SLF2: variants seen among roughly 807,000 people sequenced by gnomAD.
SLF2 encodes the protein SMC5-SMC6 complex localization factor protein 2.
A neutral mutation model predicts 124.3 loss-of-function variants in SLF2; 68 were observed. The observed-to-expected ratio is 0.55, with a 90% CI of 0.45 to 0.67. The LOEUF (loss-of-function observed/expected upper bound fraction) is 0.67, where lower values mean the gene tolerates loss of function less well. Among genes scored for constraint, SLF2 ranks in the 30% least tolerant of loss-of-function variants. The probability of loss-of-function intolerance (pLI) is 0.00; values close to 1 mark genes in which losing one functional copy is unlikely to be tolerated. For synonymous variants in SLF2, 480 were observed against 478.8 expected, an observed-to-expected ratio of 1.00 and a Z score of -0.03; for missense variants, 1,246 against 1,373.7, an observed-to-expected ratio of 0.91 and a Z score of 1.47.
chr10:100,913,306 G>T lies in SLF2; in HGVS notation c.140+56G>T, dbSNP rs3802725. ...GGTCGCGGGGGCAAGGGTATGAGGG[G>T]AGGGCTGCAGACCGCCGCTCTTCCA... is the stretch of plus-strand genomic sequence containing the variant. On this transcript the variant is annotated intron_variant, in intron 1 of 19. Transcript: ENST00000238961. 0.41 allele frequency: 584,307 copies of T among 1,427,798 alleles called. 125,132 individuals are homozygous for T. The highest frequency in any genetic ancestry group is 0.49 in the Middle Eastern group (2,428 of 4,994). 88.4% of individuals were successfully genotyped at this position (1,427,798 alleles called of 1,614,324 possible).
At position 100,950,640 on chromosome 10, in the gene SLF2, A is replaced by AT. The variant is rs759562089; in HGVS notation, c.3253-34dup. ...ATTGGAATGACATCTATGCTAGCTA[A>AT]TTCATAGGTGTTAATTTTATTCATT... is the stretch of plus-strand genomic sequence containing the variant. On this transcript the variant is annotated intron_variant, in intron 16 of 19. Coordinates refer to ENST00000238961, the MANE Select transcript of SLF2 (RefSeq NM_018121.4). 6 of 1,524,118 alleles carry AT rather than the reference A, an allele frequency of 3.9e-6. No homozygotes were observed. The African/African-American group carries it at 6.9e-5, about 17-fold the overall frequency. 94.4% of individuals were successfully genotyped at this position (1,524,118 alleles called of 1,614,324 possible). A position where few individuals can be genotyped will look rare whatever the true frequency, so the allele number is the denominator to read the frequency against.
At chr10:100,915,650 T>G (rs1849400246) in intron 1 of SLF2, among the ~76,000 whole-genome samples, 1 of 152,214 alleles carries the variant, frequency 6.6e-6, no homozygotes, top group African/African-American at 2.4e-5. Context: ...TAGGTTCATA[T>G]GCTGATACCC....
chr10:100,939,925 T>C (rs1287186670), intron 11 of SLF2, among the ~76,000 whole-genome samples: 1 of 152,248 alleles, frequency 6.6e-6, no homozygotes. Context: ...TCTGAAAATA[T>C]GTTGGATAGC....
chr10:100,948,098 C>T (rs1313302468), intron 15 of SLF2, among the ~76,000 whole-genome samples: 1 of 152,224 alleles, frequency 6.6e-6, no homozygotes, highest in Non-Finnish European at 1.5e-5. Context: ...TATAAAGAAA[C>T]TACTGGGAAA....
At chr10:100,919,767 T>TA in intron 4 of SLF2, among the ~76,000 whole-genome samples, 1 of 152,242 alleles carries the variant, frequency 6.6e-6, no homozygotes, top group Non-Finnish European at 1.5e-5. Context: ...ATTGAGTACT[T>TA]ACTGTGTGCT....
At chr10:100,918,492 G>T in intron 4 of SLF2, 51 bp downstream of exon 4, 1 of 1,193,544 alleles carries the variant, frequency 8.4e-7, no homozygotes, top group Admixed American at 2.2e-5. Context: ...CCATTTTAAT[G>T]GCACTGCTTT....
chr10:100,930,470 C>T (rs922869365), intron 8 of SLF2, among the ~76,000 whole-genome samples: 1 of 152,214 alleles, frequency 6.6e-6, no homozygotes, highest in Non-Finnish European at 1.5e-5. Context: ...TATGACCACA[C>T]TTGGCCACAA....
intron 16 of SLF2, 137 bp from the exon 17 acceptor site, chr10:100,950,539 C>T (rs751227692): frequency 1.1e-5 from 8 of 716,408 alleles, no homozygotes; most frequent in African/African-American, 5.4e-5. Flanking sequence ...TTAGATGCTT[C>T]GCTTTTACTT....
At position 100,924,384 on chromosome 10, in the gene SLF2, C is replaced by A. The variant is rs141433125; in HGVS notation, c.1383C>A (p.Thr461=). 56 of 1,614,028 alleles carry A rather than the reference C, an allele frequency of 3.5e-5. No individual in the cohort carries two copies. In the African/African-American group the frequency reaches 6.5e-4, roughly 19 times the overall value. The part of the protein sequence containing the change: ...KKASNLQKNK[T]ASSTTKEKET... ...CTAGCAACCTTCAGAAAAATAAAAC[C>A]GCTAGCTCCACGACAAAGGAGAAGG... Residue 461 remains threonine, a synonymous_variant, in exon 5 of 20, where the codon ACC becomes ACA. Coordinates refer to ENST00000238961, the MANE Select transcript of SLF2 (RefSeq NM_018121.4).
chr10:100,925,005 A>G, intron 5 of SLF2, 33 bp downstream of exon 5: 1 of 1,550,020 alleles, frequency 6.5e-7, no homozygotes, highest in Non-Finnish European at 8.7e-7. Context: ...TCTTTACTTG[A>G]AGAGGGAAAG....
At position 100,931,040 on chromosome 10, in the gene SLF2, G is replaced by T. The variant is rs117803487; in HGVS notation, c.2398G>T (p.Val800Phe). The T allele has an allele frequency of 2.0e-4, 324 of 1,614,018 alleles. No individual in the cohort carries two copies. Among genetic ancestry groups the T allele is most frequent in the Non-Finnish European group, 2.6e-4 (305 of 1,179,964 alleles). The part of the protein sequence containing the change: ...QGFLTSAYHY[V>F]QCPVPVLKWL... ...TTTCCTTACGTCTGCTTATCACTAT[G>T]TCCAGTGTCCTGTCCCTGTGTTAAA... Residue 800 changes from valine (V) to phenylalanine (F), a missense_variant, in exon 9 of 20, where the codon GTC (valine) becomes TTC (phenylalanine). Around this residue, in one of 3 missense-constraint regions of SLF2, gnomAD observed 535 missense variants for 632.8 expected, o/e 0.85. Coordinates refer to ENST00000238961, the MANE Select transcript of SLF2 (RefSeq NM_018121.4).
At chr10:100,961,547 C>G (rs536463822) in intron 19 of SLF2, among the ~76,000 whole-genome samples, 3 of 152,004 alleles carry the variant, frequency 2.0e-5, no homozygotes, top group Admixed American at 6.5e-5. Flanking sequence ...TAATGCTGGT[C>G]ATGTACTGAT....
intron 7 of SLF2, 150 bp from the exon 8 acceptor site, chr10:100,929,680 G>A (rs2133779936): frequency 1.5e-6 from 1 of 662,204 alleles, no homozygotes; most frequent in East Asian, 3.0e-5. Context: ...TACAAAAAGT[G>A]GAAGAAGCAA....
chr10:100,924,629 G>T lies in SLF2; in HGVS notation c.1628G>T (p.Gly543Val), dbSNP rs748080957. The change falls in exon 5 of 20, where the codon GGA (glycine) becomes GTA (valine). Residue 543 changes from glycine to valine, a missense_variant. Gly to Val is a moderately radical substitution (Grantham distance 109, BLOSUM62 -3). This residue lies in a region of SLF2 where 698 missense variants were observed against 708.9 expected (regional missense o/e 0.98). Coordinates refer to ENST00000238961, the MANE Select transcript of SLF2 (RefSeq NM_018121.4). ...SNVSSGKISG[G>V]PLRSEYGTPT... ...GTATCTTCAGGGAAAATTTCTGGGGGACCTTTGCGCTCAGAATATGGCACT... is the reference window on the plus strand; with the variant it reads ...GTATCTTCAGGGAAAATTTCTGGGGTACCTTTGCGCTCAGAATATGGCACT... The T allele has an allele frequency of 1.2e-6, 2 of 1,613,960 alleles. No individual in the cohort carries two copies. Among genetic ancestry groups the T allele is most frequent in the South Asian group, 2.2e-5 (2 of 91,082 alleles).
intron 13 of SLF2, among the ~76,000 whole-genome samples, chr10:100,946,355 C>T (rs1408314407): frequency 3.5e-5 from 5 of 143,336 alleles, no homozygotes; most frequent in African/African-American, 1.3e-4. Flanking sequence ...TGTAAGACAG[C>T]ATCTCCTGTC....
intron 18 of SLF2, 80 bp from the exon 19 acceptor site, chr10:100,959,348 G>A: frequency 3.8e-6 from 5 of 1,327,094 alleles, no homozygotes; most frequent in Non-Finnish European, 5.0e-6. Flanking sequence ...GCAGCTGTCA[G>A]ATATTTTGTG....
At chr10:100,961,570 CAG>C (rs1850428488) in intron 19 of SLF2, among the ~76,000 whole-genome samples, 1 of 152,250 alleles carries the variant, frequency 6.6e-6, no homozygotes, top group African/African-American at 2.4e-5. Context: ...GGTATTAAAA[CAG>C]AAAATAATTT....
intron 11 of SLF2, among the ~76,000 whole-genome samples, chr10:100,942,472 C>T (rs1216757305): frequency 6.6e-6 from 1 of 152,136 alleles, no homozygotes; most frequent in Non-Finnish European, 1.5e-5. Context: ...TCCCTGGCCT[C>T]TCCAGGTACT....
chr10:100,962,871 G>C lies in SLF2; in HGVS notation c.*959G>C, dbSNP rs184228743. 2 of 152,214 alleles carry C rather than the reference G, an allele frequency of 1.3e-5. No homozygotes were observed. Among genetic ancestry groups the C allele is most frequent in the South Asian group, 2.1e-4 (1 of 4,824 alleles). 9.4% of individuals were successfully genotyped at this position (152,214 alleles called of 1,614,324 possible). ...TGTGTGTGTGTGTGTGTGTGTGTGC[G>C]CTTGTATCTTGAAGTTGTTGCACTT... On this transcript the variant is annotated 3_prime_UTR_variant, in exon 20 of 20. Transcript: ENST00000238961.
Sources: allele counts gnomAD v4.1 joint callset (sites outside exome capture counted in the v4.1 genomes callset), GRCh38; gene constraint gnomAD v4.1.1; regional missense constraint gnomAD v4.1.1; transcripts MANE v1.5; gene names NCBI Gene and HGNC (gene_info 2026-07-23, HGNC 2026-07-21).